MICU1: variants seen among roughly 807,000 people sequenced by gnomAD.
The protein encoded by MICU1 is calcium uptake protein 1, mitochondrial.
Under a neutral mutation model 56.8 loss-of-function variants are expected in MICU1, and 45 were observed. The ratio of observed to expected loss-of-function variants is 0.79; its 90% CI spans 0.62 to 1.02. The LOEUF (loss-of-function observed/expected upper bound fraction) is 1.02, where lower values mean the gene tolerates loss of function less well. MICU1 is among the 50% of genes least tolerant of loss of function. The probability of loss-of-function intolerance (pLI) is 0.00; values close to 1 mark genes in which losing one functional copy is unlikely to be tolerated. For missense variants in MICU1, 504 were observed against 587.1 expected (o/e 0.86, Z 1.46); for synonymous variants, 186 against 195.1 (o/e 0.95, Z 0.39).
intron 1 of MICU1, among the ~76,000 whole-genome samples, chr10:72,613,461 G>A (rs562211876): frequency 3.4e-4 from 51 of 151,056 alleles, no homozygotes; most frequent in African/African-American, 1.2e-3. Context: ...ATTTTTTGTA[G>A]AGCCCAGGTC....
intron 8 of MICU1, among the ~76,000 whole-genome samples, chr10:72,472,667 C>T (rs893653313): frequency 6.6e-6 from 1 of 152,136 alleles, no homozygotes. Context: ...ACTTACTGAC[C>T]TTTTAGTATA....
At chr10:72,436,757 G>A (rs1279884783) in intron 8 of MICU1, among the ~76,000 whole-genome samples, 2 of 152,116 alleles carry the variant, frequency 1.3e-5, no homozygotes, top group South Asian at 2.1e-4. Context: ...TGAGAACTTC[G>A]TGACGTATGC....
intron 8 of MICU1, among the ~76,000 whole-genome samples, chr10:72,447,250 C>T (rs964705044): frequency 3.3e-5 from 5 of 152,066 alleles, no homozygotes; most frequent in East Asian, 1.9e-4. Flanking sequence ...AAAATGCTTC[C>T]GATTCACTCT....
chr10:72,475,592 C>T (rs994146684), intron 7 of MICU1, among the ~76,000 whole-genome samples: 1 of 151,866 alleles, frequency 6.6e-6, no homozygotes, highest in East Asian at 1.9e-4. Context: ...TCATGCCTGG[C>T]TAATTTTTTG....
At chr10:72,591,557 T>C (rs1010653193) in intron 1 of MICU1, among the ~76,000 whole-genome samples, 2 of 152,156 alleles carry the variant, frequency 1.3e-5, no homozygotes, top group African/African-American at 4.8e-5. Context: ...CTACAGATTT[T>C]ACAGAAATAA....
At chr10:72,577,799 G>C (rs1470977415) in intron 1 of MICU1, among the ~76,000 whole-genome samples, 1 of 152,112 alleles carries the variant, frequency 6.6e-6, no homozygotes, top group Non-Finnish European at 1.5e-5. Context: ...TGGATGAAGA[G>C]TTCATCCATG....
At chr10:72,541,968 G>A (rs1048107447) in intron 4 of MICU1, among the ~76,000 whole-genome samples, 2 of 152,010 alleles carry the variant, frequency 1.3e-5, no homozygotes, top group African/African-American at 2.4e-5. Context: ...ATAAAAGAAC[G>A]GCTACCTGTT....
chr10:72,514,451 G>A (rs1320954988), intron 5 of MICU1, among the ~76,000 whole-genome samples: 1 of 151,800 alleles, frequency 6.6e-6, no homozygotes, highest in Admixed American at 6.6e-5. Context: ...TCTCGAAATC[G>A]CATTCTTCCC....
chr10:72,475,314 C>T lies in MICU1; in HGVS notation c.736-17G>A. The T allele has an allele frequency of 1.9e-6, 3 of 1,564,960 alleles. No individual in the cohort carries two copies. Among genetic ancestry groups the T allele is most frequent in the Non-Finnish European group, 1.7e-6 (2 of 1,153,886 alleles). ...GCTCTGAACCTAATACAGAATCAAA[C>T]CCACATCCAGAAAAATATTAGGAAG... On this transcript the variant is annotated splice_polypyrimidine_tract_variant and intron_variant, in intron 7 of 11. Transcript: ENST00000361114.
chr10:72,426,924 A>G (rs1261048560), intron 8 of MICU1, among the ~76,000 whole-genome samples: 1 of 152,220 alleles, frequency 6.6e-6, no homozygotes, highest in Non-Finnish European at 1.5e-5. Flanking sequence ...ATCATAATGT[A>G]GAAAAGTTCT....
intron 5 of MICU1, among the ~76,000 whole-genome samples, chr10:72,521,668 T>C (rs934899889): frequency 1.3e-5 from 2 of 152,120 alleles, no homozygotes; most frequent in Non-Finnish European, 2.9e-5. Context: ...GCCCATGTCA[T>C]GAATCATTAT....
At chr10:72,540,135 C>T (rs1318422307) in intron 4 of MICU1, among the ~76,000 whole-genome samples, 3 of 151,908 alleles carry the variant, frequency 2.0e-5, no homozygotes, top group African/African-American at 4.8e-5. Context: ...GGCATGGTGG[C>T]GCATGCCTGT....
intron 1 of MICU1, among the ~76,000 whole-genome samples, chr10:72,613,077 CTT>C (rs1394937959): frequency 6.6e-6 from 1 of 151,962 alleles, no homozygotes; most frequent in Non-Finnish European, 1.5e-5. Context: ...TATTTTAAAA[CTT>C]TCAAACATGC....
intron 6 of MICU1, among the ~76,000 whole-genome samples, chr10:72,481,066 A>C (rs990299330): frequency 2.6e-5 from 4 of 152,202 alleles, no homozygotes; most frequent in Non-Finnish European, 1.5e-5. Flanking sequence ...CTGCTGAGGC[A>C]AGCTGGGCTG....
In MICU1 at chr10:72,477,222, C is replaced by T; in HGVS notation, c.687G>A (p.Met229Ile). 6.5e-7 allele frequency: 1 copy of T among 1,549,192 alleles called. No individual in the cohort carries two copies. Among genetic ancestry groups the T allele is most frequent in the African/African-American group, 1.4e-5 (1 of 73,064 alleles). The change falls in exon 7 of 12, where the codon ATG becomes ATA. Residue 229 changes from methionine to isoleucine, a missense_variant. Met to Ile is a conservative substitution (Grantham distance 10). Transcript: ENST00000361114. ...CTTCTCCATCTCCATTCAAATCAAA[C>T]ATCTTGAAGGCAATTTCAAAATTTC... ...PQRNFEIAFKMFDLNGDGEVD... is the reference protein window; with the variant it reads ...PQRNFEIAFKIFDLNGDGEVD...
At chr10:72,540,267 C>CAAAA (rs11287541) in intron 4 of MICU1, among the ~76,000 whole-genome samples, 21 of 85,408 alleles carry the variant, frequency 2.5e-4, no homozygotes, top group Non-Finnish European at 4.3e-4. Context: ...AACTCCATCT[C>CAAAA]AAAAAAAAAA....
intron 3 of MICU1, among the ~76,000 whole-genome samples, chr10:72,554,505 G>A (rs991936616): frequency 5.9e-5 from 9 of 152,156 alleles, no homozygotes; most frequent in African/African-American, 2.4e-5. Flanking sequence ...TAGGCTCTAG[G>A]AAACTTTATG....
intron 8 of MICU1, among the ~76,000 whole-genome samples, chr10:72,459,719 C>A (rs912804125): frequency 6.6e-6 from 1 of 152,166 alleles, no homozygotes; most frequent in Non-Finnish European, 1.5e-5. Context: ...CTAATAATAC[C>A]GTATCTCTAA....
intron 8 of MICU1, among the ~76,000 whole-genome samples, chr10:72,439,544 T>G (rs1477470385): frequency 2.0e-5 from 3 of 152,228 alleles, no homozygotes; most frequent in African/African-American, 4.8e-5. Flanking sequence ...TTGGAAGTTC[T>G]GGCCAGGGCA....
Sources: gnomAD v4.1 joint callset for allele counts (sites outside exome capture counted in the v4.1 genomes callset) on GRCh38, gnomAD v4.1.1 for gene constraint, MANE v1.5 for transcripts, NCBI Gene and HGNC (gene_info 2026-07-23, HGNC 2026-07-21) for gene names.